The following MIA2 variants were observed in gnomAD, a reference collection of about 807,000 sequenced individuals.
The protein encoded by MIA2 is melanoma inhibitory activity protein 2.
MIA2 carries 127 observed loss-of-function variants against 167.8 expected under a neutral mutation model. The observed-to-expected ratio is 0.76, with a 90% CI of 0.66 to 0.88. The LOEUF is 0.88. MIA2 is among the 40% of genes least tolerant of loss of function. MIA2 has a pLI of 0.00. For synonymous variants in MIA2, 552 were observed against 541.9 expected (o/e 1.02, Z -0.26); for missense variants, 1,690 against 1,624.7 (o/e 1.04, Z -0.69).
At chr14:39,305,663 C>T (rs1370232537) in intron 17 of MIA2, among the ~76,000 whole-genome samples, 3 of 152,146 alleles carry the variant, frequency 2.0e-5, no homozygotes, top group Non-Finnish European at 1.5e-5. Context: ...TGGCCAGGCG[C>T]GGCGGCTCAC....
Position 39,247,831 on chromosome 14 carries a change from A to G in MIA2, c.1257A>G (p.Leu419=). 1 of 1,594,218 alleles carries G rather than the reference A, an allele frequency of 6.3e-7. No individual in the cohort carries two copies. Among genetic ancestry groups the G allele is most frequent in the Non-Finnish European group, 8.5e-7 (1 of 1,175,364 alleles). Residue 419 remains leucine (L), a synonymous_variant, in exon 4 of 29, where the codon TTA becomes TTG. Transcript: ENST00000640607. ...ATGAACATCCTCTAACAAGTGAATT[A>G]GACCCTGAAAAAGAACAAGAAATAG... ...DEHEHPLTSE[L]DPEKEQEIET... is the part of the protein sequence containing the mutation.
At chr14:39,263,744 G>A (rs1420291415) in intron 6 of MIA2, among the ~76,000 whole-genome samples, 1 of 150,086 alleles carries the variant, frequency 6.7e-6, no homozygotes, top group African/African-American at 2.5e-5. Flanking sequence ...TGATTTTCCT[G>A]CCTTAGCTTC....
At chr14:39,308,666 G>T (rs1429100936) in intron 18 of MIA2, 79 bp downstream of exon 18, 14 of 1,140,434 alleles carry the variant, frequency 1.2e-5, no homozygotes, top group Non-Finnish European at 1.5e-5. Flanking sequence ...TAGCTATAGT[G>T]ATTATTGAAA....
chr14:39,292,128 A>G (rs2060817859), intron 10 of MIA2, among the ~76,000 whole-genome samples: 1 of 152,202 alleles, frequency 6.6e-6, no homozygotes, highest in South Asian at 2.1e-4. Flanking sequence ...ATCTTCAAGA[A>G]CTTGTTGAAA....
At chr14:39,346,592 A>T (rs529144000) in intron 26 of MIA2, among the ~76,000 whole-genome samples, 13 of 151,324 alleles carry the variant, frequency 8.6e-5, no homozygotes, top group South Asian at 2.1e-4. Flanking sequence ...GAAAATAAAA[A>T]TTTTTTTTAA....
At chr14:39,293,878 G>A in intron 11 of MIA2, 122 bp from the exon 12 acceptor site, 1 of 727,254 alleles carries the variant, frequency 1.4e-6, no homozygotes, top group Non-Finnish European at 2.4e-6. Flanking sequence ...AAACTGAGAA[G>A]GTTTCTTAAT....
intron 4 of MIA2, among the ~76,000 whole-genome samples, chr14:39,249,151 T>G (rs1303448416): frequency 6.6e-6 from 1 of 152,152 alleles, no homozygotes; most frequent in Non-Finnish European, 1.5e-5. Context: ...TTCTTTTGTT[T>G]TTGTTTTGAG....
chr14:39,294,803 C>G (rs12432397), intron 12 of MIA2, 122 bp from the exon 13 acceptor site: 426,226 of 695,396 alleles, frequency 0.61, 134,305 homozygotes, highest in South Asian at 0.67. Flanking sequence ...ACCATGCTGC[C>G]TCTGCTGTTA....
chr14:39,307,349 A>G (rs1595407104), intron 17 of MIA2, among the ~76,000 whole-genome samples: 2 of 151,462 alleles, frequency 1.3e-5, no homozygotes, highest in African/African-American at 2.4e-5. Context: ...AGAATGTTGA[A>G]GGTGTTGGGA....
intron 23 of MIA2, among the ~76,000 whole-genome samples, chr14:39,382,457 G>C (rs545152021): frequency 6.6e-6 from 1 of 152,340 alleles, no homozygotes; most frequent in South Asian, 2.1e-4. Flanking sequence ...ATGCCCAGGA[G>C]ACAGCTTTGT....
At chr14:39,253,397 G>A in intron 6 of MIA2, 2 of 608,826 alleles carry the variant, frequency 3.3e-6, no homozygotes, top group South Asian at 2.2e-5. Flanking sequence ...ATCTTGAGCG[G>A]TGTTTGCTTT....
At chr14:39,309,202 T>C (rs1418061820) in intron 18 of MIA2, among the ~76,000 whole-genome samples, 3 of 152,198 alleles carry the variant, frequency 2.0e-5, no homozygotes, top group South Asian at 2.1e-4. Flanking sequence ...GTAGTCTCCT[T>C]CTTTCCGCCC....
chr14:39,287,155 C>G (rs2059935941), intron 9 of MIA2, among the ~76,000 whole-genome samples: 1 of 152,048 alleles, frequency 6.6e-6, no homozygotes, highest in South Asian at 2.1e-4. Context: ...CTCACTGCAG[C>G]CTCAGCCTCC....
intron 25 of MIA2, among the ~76,000 whole-genome samples, chr14:39,338,827 G>A (rs2071100332): frequency 6.6e-6 from 1 of 152,192 alleles, no homozygotes; most frequent in Non-Finnish European, 1.5e-5. Flanking sequence ...TCTTTTGCCA[G>A]GGTTAACTGT....
chr14:39,381,996 G>T (rs1179859526), intron 23 of MIA2, among the ~76,000 whole-genome samples: 1 of 152,130 alleles, frequency 6.6e-6, no homozygotes, highest in African/African-American at 2.4e-5. Context: ...CCCTAGTTCA[G>T]CTAACTAGGA....
intron 25 of MIA2, among the ~76,000 whole-genome samples, chr14:39,344,756 C>T (rs2072843136): frequency 6.6e-6 from 1 of 152,136 alleles, no homozygotes; most frequent in Non-Finnish European, 1.5e-5. Flanking sequence ...TGTCGTTCTC[C>T]TTATTTTTGG....
At chr14:39,353,590 C>T (rs2074447302), downstream of MIA2, among the ~76,000 whole-genome samples, 6 of 152,100 alleles carry the variant, frequency 3.9e-5, 1 homozygote, top group South Asian at 1.2e-3. Flanking sequence ...TTTTATTATA[C>T]TTCAAGTTGT....
At position 39,280,498 on chromosome 14, in the gene MIA2, T is replaced by C. The variant is rs146155315; in HGVS notation, c.2130+961T>C. 3.8e-3 allele frequency among the ~76,000 whole-genome samples: 573 copies of C among 152,196 alleles called. 22 individuals carry two copies. The East Asian group carries it at 0.091, about 24-fold the overall frequency. ...TTGTAATCCCAGCACTTTGGGAGGC[T>C]GAGGCGGGCAAATCACGAGGTCAGG... On this transcript the variant is annotated intron_variant, in intron 9 of 28. Coordinates refer to ENST00000640607, the MANE Select transcript of MIA2 (RefSeq NM_001329214.4).
At chr14:39,335,700 TTCA>T (rs2070226296) in intron 25 of MIA2, among the ~76,000 whole-genome samples, 1 of 152,198 alleles carries the variant, frequency 6.6e-6, no homozygotes, top group East Asian at 1.9e-4. Context: ...CGTGACTGAA[TTCA>T]TCACCCAGAA....
Sources: allele counts gnomAD v4.1 joint callset (sites outside exome capture counted in the v4.1 genomes callset), GRCh38; gene constraint gnomAD v4.1.1; transcripts MANE v1.5; gene names NCBI Gene and HGNC (gene_info 2026-07-23, HGNC 2026-07-21).